Variants in RBFOX1 observed in about 807,000 individuals in gnomAD.
RBFOX1 encodes the protein RNA binding fox-1 homolog 1.
In RBFOX1, 8 loss-of-function variants were observed where a neutral mutation model predicts 57.7. The ratio of observed to expected loss-of-function variants is 0.14; its 90% CI spans 0.08 to 0.25. RBFOX1 has a LOEUF of 0.25. Among genes scored for constraint, RBFOX1 ranks in the 10% least tolerant of loss-of-function variants. The pLI, the probability that RBFOX1 is intolerant of heterozygous loss-of-function variation, is 1.00. For synonymous variants in RBFOX1, 326 were observed against 222.4 expected, an observed-to-expected ratio of 1.47 and a Z score of -4.15; for missense variants, 611 against 548.5, an observed-to-expected ratio of 1.11 and a Z score of -1.14.
At chr16:7,476,125 C>A (rs1237754016) in intron 4 of RBFOX1, among the ~76,000 whole-genome samples, 1 of 152,034 alleles carries the variant, frequency 6.6e-6, no homozygotes, top group East Asian at 1.9e-4. Context: ...ATCACCACAC[C>A]CAGCAAATTT....
At chr16:5,614,803 C>G (rs934821542) in intron 3 of RBFOX1, among the ~76,000 whole-genome samples, 1 of 152,108 alleles carries the variant, frequency 6.6e-6, no homozygotes, top group Non-Finnish European at 1.5e-5. Flanking sequence ...ACAAAAACAT[C>G]CGACATTCAT....
chr16:6,118,530 G>A (rs1010396811), intron 1 of RBFOX1, among the ~76,000 whole-genome samples: 8 of 152,024 alleles, frequency 5.3e-5, no homozygotes, highest in African/African-American at 1.2e-4. Flanking sequence ...TGCTGCTGCC[G>A]CCGCCTCCGC....
At chr16:6,193,655 A>C (rs1319577443) in intron 1 of RBFOX1, among the ~76,000 whole-genome samples, 5 of 151,914 alleles carry the variant, frequency 3.3e-5, no homozygotes, top group Non-Finnish European at 7.4e-5. Context: ...AGTGTGCAGT[A>C]AATGCTAAAC....
intron 1 of RBFOX1, among the ~76,000 whole-genome samples, chr16:5,332,537 T>A (rs2064783920): frequency 6.6e-6 from 1 of 152,100 alleles, no homozygotes; most frequent in African/African-American, 2.4e-5. Context: ...GTGCTGGGAT[T>A]ACAGGTGTAA....
chr16:6,762,959 T>G (rs1163750253), intron 3 of RBFOX1, among the ~76,000 whole-genome samples: 1 of 152,054 alleles, frequency 6.6e-6, no homozygotes, highest in Non-Finnish European at 1.5e-5. Context: ...GTTCCCCAAA[T>G]GAAGATAGAG....
intron 3 of RBFOX1, among the ~76,000 whole-genome samples, chr16:6,920,037 T>A (rs570566957): frequency 6.6e-6 from 1 of 152,242 alleles, no homozygotes; most frequent in East Asian, 1.9e-4. Flanking sequence ...ATATGATATT[T>A]GTTTTTCCGT....
chr16:6,017,815 G>A (rs1001390661), upstream of RBFOX1, among the ~76,000 whole-genome samples: 2 of 152,160 alleles, frequency 1.3e-5, no homozygotes, highest in African/African-American at 2.4e-5. Flanking sequence ...GGAAATACAC[G>A]TACATCTAGT....
intron 3 of RBFOX1, among the ~76,000 whole-genome samples, chr16:6,755,970 A>C (rs995761057): frequency 4.6e-5 from 7 of 152,178 alleles, no homozygotes; most frequent in African/African-American, 1.4e-4. Flanking sequence ...GCCAGTTTCA[A>C]ATTGCTAGCT....
chr16:7,247,312 C>G (rs2094341639), intron 4 of RBFOX1, among the ~76,000 whole-genome samples: 1 of 152,216 alleles, frequency 6.6e-6, no homozygotes, highest in East Asian at 1.9e-4. Context: ...CAAAGCAAGT[C>G]TCACAGACAC....
intron 1 of RBFOX1, among the ~76,000 whole-genome samples, chr16:6,266,058 A>G (rs1468793431): frequency 2.0e-5 from 3 of 152,058 alleles, no homozygotes; most frequent in Non-Finnish European, 4.4e-5. Flanking sequence ...CATACATCTT[A>G]CTTCAGCTAA....
intron 3 of RBFOX1, among the ~76,000 whole-genome samples, chr16:5,709,016 A>C (rs1184084023): frequency 6.6e-6 from 1 of 152,136 alleles, no homozygotes; most frequent in Non-Finnish European, 1.5e-5. Context: ...TTGAGACCCA[A>C]CCGAAATATT....
chr16:6,242,547 A>C (rs1598731974), intron 1 of RBFOX1, among the ~76,000 whole-genome samples: 2 of 149,418 alleles, frequency 1.3e-5, no homozygotes, highest in East Asian at 4.0e-4. Context: ...ATAATATTTT[A>C]CTGTATGAGT....
chr16:6,899,888 TGAGA>T (rs1232896844), intron 3 of RBFOX1, among the ~76,000 whole-genome samples: 3 of 152,180 alleles, frequency 2.0e-5, no homozygotes, highest in African/African-American at 4.8e-5. Flanking sequence ...AAGTTAACAA[TGAGA>T]GAGATTTTTT....
intron 4 of RBFOX1, among the ~76,000 whole-genome samples, chr16:7,299,439 G>A (rs2095977586): frequency 6.6e-6 from 1 of 152,166 alleles, no homozygotes; most frequent in South Asian, 2.1e-4. Flanking sequence ...AAACTAGAAA[G>A]CTAGAGGAGT....
chr16:6,261,750 C>G lies in RBFOX1; in HGVS notation c.-126-55245C>G, dbSNP rs1450910626. ...GGTGGCTTAGCTTCTAATCCCAGCACTTTGGGAGGCTGAGGCAGGTGGATC... is the reference window on the plus strand; with the variant it reads ...GGTGGCTTAGCTTCTAATCCCAGCAGTTTGGGAGGCTGAGGCAGGTGGATC... On this transcript the variant is annotated intron_variant, in intron 1 of 15. Coordinates refer to ENST00000550418, the MANE Select transcript of RBFOX1 (RefSeq NM_018723.4). 2.0e-5 allele frequency among the ~76,000 whole-genome samples: 3 copies of G among 152,116 alleles called. No homozygotes were observed. In the East Asian group the frequency reaches 5.8e-4, roughly 29 times the overall value.
intron 1 of RBFOX1, among the ~76,000 whole-genome samples, chr16:6,219,470 G>T (rs775840386): frequency 7.9e-5 from 12 of 152,136 alleles, no homozygotes; most frequent in African/African-American, 1.9e-4. Context: ...AATATGTCTC[G>T]GTCAAGTCTG....
At chr16:5,422,250 G>A (rs1445196965) in intron 1 of RBFOX1, among the ~76,000 whole-genome samples, 1 of 143,516 alleles carries the variant, frequency 7.0e-6, no homozygotes, top group African/African-American at 2.6e-5. Context: ...GAGGAGCAGG[G>A]AGAGGGAGGA....
intron 4 of RBFOX1, among the ~76,000 whole-genome samples, chr16:7,301,870 G>C (rs117373303): frequency 3.3e-5 from 5 of 152,252 alleles, no homozygotes; most frequent in African/African-American, 1.2e-4. Flanking sequence ...TATTCCATTC[G>C]TGTTCTGTGG....
chr16:7,524,888 C>T (rs773731490), intron 5 of RBFOX1, among the ~76,000 whole-genome samples: 3 of 152,136 alleles, frequency 2.0e-5, no homozygotes, highest in African/African-American at 4.8e-5. Flanking sequence ...TTGTTCAGGG[C>T]ATTCCTTTTG....
Sources: gnomAD v4.1 joint callset for allele counts (sites outside exome capture counted in the v4.1 genomes callset) on GRCh38, gnomAD v4.1.1 for gene constraint, MANE v1.5 for transcripts, NCBI Gene and HGNC (gene_info 2026-07-23, HGNC 2026-07-21) for gene names.